Variants in RBFOX2 observed in about 807,000 individuals in gnomAD.
The protein encoded by RBFOX2 is RNA binding fox-1 homolog 2, also known as RNA binding protein fox-1 homolog 2.
Under a neutral mutation model 49.1 loss-of-function variants are expected in RBFOX2, and 10 were observed. The observed-to-expected ratio is 0.20, with a 90% CI of 0.13 to 0.35. The LOEUF (loss-of-function observed/expected upper bound fraction) is 0.35. RBFOX2 is among the 10% of genes least tolerant of loss of function. The pLI is 1.00. For synonymous variants in RBFOX2, 183 were observed against 187.4 expected (o/e 0.98, Z 0.19); for missense variants, 323 against 486.9 (o/e 0.66, Z 3.17).
intron 1 of RBFOX2, chr22:35,996,982 T>C (rs1303730744): frequency 2.0e-5 from 3 of 152,156 alleles, no homozygotes; most frequent in African/African-American, 7.2e-5. Flanking sequence ...TGTGGTAAAA[T>C]GAAGAGCAGG....
intron 1 of RBFOX2, among the ~76,000 whole-genome samples, chr22:35,911,815 A>AGATGGGG (rs2049869474): frequency 6.6e-6 from 1 of 152,038 alleles, no homozygotes; most frequent in Admixed American, 6.6e-5. Context: ...CCCATATCCC[A>AGATGGGG]TCTCACCCCA....
intron 1 of RBFOX2, among the ~76,000 whole-genome samples, chr22:35,935,963 T>C (rs1168577907): frequency 1.3e-5 from 2 of 152,146 alleles, no homozygotes; most frequent in Non-Finnish European, 2.9e-5. Flanking sequence ...TCAAAAGAGT[T>C]ATCTCTTTTT....
intron 1 of RBFOX2, among the ~76,000 whole-genome samples, chr22:35,958,990 GTTT>G (rs1039394448): frequency 6.7e-6 from 1 of 149,870 alleles, no homozygotes; most frequent in Admixed American, 6.6e-5. Flanking sequence ...GTAAAGCTTA[GTTT>G]TCTGCAAGTA....
intron 1 of RBFOX2, among the ~76,000 whole-genome samples, chr22:35,850,924 A>G (rs2041868140): frequency 6.6e-6 from 1 of 152,196 alleles, no homozygotes; most frequent in Non-Finnish European, 1.5e-5. Context: ...AAATTTCAAA[A>G]TGGTAAATAA....
At chr22:35,990,879 G>T (rs1023041060) in intron 1 of RBFOX2, among the ~76,000 whole-genome samples, 1 of 152,136 alleles carries the variant, frequency 6.6e-6, no homozygotes, top group Non-Finnish European at 1.5e-5. Flanking sequence ...TCACCCAAGG[G>T]TATAGGATTT....
chr22:35,808,072 T>G (rs902095019), intron 2 of RBFOX2, among the ~76,000 whole-genome samples: 21 of 152,196 alleles, frequency 1.4e-4, no homozygotes, highest in African/African-American at 4.6e-4. Flanking sequence ...GTATAGAAAT[T>G]TATTAATTAA....
At chr22:35,775,841 CAAAA>C (rs753116056) in intron 4 of RBFOX2, among the ~76,000 whole-genome samples, 1 of 56,174 alleles carries the variant, frequency 1.8e-5, no homozygotes, top group African/African-American at 7.1e-5. Context: ...GAATCTGCCT[CAAAA>C]AAAAAAAAAA....
chr22:35,793,850 TG>T (rs981270841), intron 2 of RBFOX2, among the ~76,000 whole-genome samples: 82 of 152,328 alleles, frequency 5.4e-4, no homozygotes, highest in Admixed American at 9.1e-4. Context: ...CCATTTCTTC[TG>T]AAAATATGTG....
intron 3 of RBFOX2, among the ~76,000 whole-genome samples, chr22:35,779,990 G>A (rs148904380): frequency 2.0e-5 from 3 of 152,206 alleles, no homozygotes; most frequent in Non-Finnish European, 4.4e-5. Flanking sequence ...CAGAGACTAA[G>A]ATTTTATATA....
intron 1 of RBFOX2, among the ~76,000 whole-genome samples, chr22:35,909,148 G>A (rs1225697562): frequency 2.0e-5 from 3 of 151,994 alleles, no homozygotes; most frequent in East Asian, 1.9e-4. Context: ...AGCACATCTC[G>A]CTATCTTTCA....
chr22:35,970,336 T>C (rs1241596408), intron 1 of RBFOX2, among the ~76,000 whole-genome samples: 1 of 152,162 alleles, frequency 6.6e-6, no homozygotes, highest in Non-Finnish European at 1.5e-5. Context: ...CATCAGAGGA[T>C]ATATTGTACA....
At chr22:35,774,735 T>C (rs1943475421) in intron 4 of RBFOX2, among the ~76,000 whole-genome samples, 1 of 152,190 alleles carries the variant, frequency 6.6e-6, no homozygotes, top group Non-Finnish European at 1.5e-5. Context: ...AGAAGAATAC[T>C]GGCAGACAAG....
At chr22:35,811,482 T>A (rs1951856534) in intron 1 of RBFOX2, among the ~76,000 whole-genome samples, 1 of 151,916 alleles carries the variant, frequency 6.6e-6, no homozygotes, top group Non-Finnish European at 1.5e-5. Context: ...AAAAAAGACA[T>A]CAGAAGAAAC....
chr22:35,913,010 G>C (rs2049997455), intron 1 of RBFOX2, among the ~76,000 whole-genome samples: 1 of 152,110 alleles, frequency 6.6e-6, no homozygotes, highest in South Asian at 2.1e-4. Flanking sequence ...AATTTCAATT[G>C]TTAATGGTTT....
At chr22:35,861,235 T>C (rs1603421611) in intron 1 of RBFOX2, among the ~76,000 whole-genome samples, 1 of 152,200 alleles carries the variant, frequency 6.6e-6, no homozygotes, top group Non-Finnish European at 1.5e-5. Context: ...AAAACTTCTG[T>C]GACCTTGGAT....
intron 2 of RBFOX2, among the ~76,000 whole-genome samples, chr22:35,797,431 T>G (rs1009914381): frequency 2.0e-5 from 3 of 152,262 alleles, no homozygotes. Context: ...AAGTGCTTTA[T>G]GAATACTTTT....
chr22:35,928,717 T>C (rs2051986555), intron 1 of RBFOX2, among the ~76,000 whole-genome samples: 1 of 152,200 alleles, frequency 6.6e-6, no homozygotes, highest in Non-Finnish European at 1.5e-5. Flanking sequence ...AAAGAACTTG[T>C]ACCCAGAATA....
chr22:36,007,997 C>A (rs544391370), intron 1 of RBFOX2, among the ~76,000 whole-genome samples: 5 of 151,910 alleles, frequency 3.3e-5, no homozygotes, highest in African/African-American at 9.7e-5. Context: ...AATGTATATT[C>A]TTATACGCAG....
intron 1 of RBFOX2, among the ~76,000 whole-genome samples, chr22:35,875,222 G>T (rs1170826631): frequency 6.6e-6 from 1 of 152,190 alleles, no homozygotes; most frequent in Non-Finnish European, 1.5e-5. Context: ...GAGCATTAAA[G>T]TCTTCCGGCA....
Sources: gnomAD v4.1 joint callset for allele counts (sites outside exome capture counted in the v4.1 genomes callset) on GRCh38, gnomAD v4.1.1 for gene constraint, MANE v1.5 for transcripts, NCBI Gene and HGNC (gene_info 2026-07-23, HGNC 2026-07-21) for gene names.